Variants in CFAP54 observed in about 807,000 individuals in gnomAD.
The protein encoded by CFAP54 is cilia- and flagella-associated protein 54.
Under a neutral mutation model 370.4 loss-of-function variants are expected in CFAP54, and 290 were observed. The observed-to-expected ratio is 0.78, with a 90% CI of 0.71 to 0.86. CFAP54 has a LOEUF of 0.86. CFAP54 is among the 40% of genes least tolerant of loss of function. CFAP54 has a pLI of 0.00. For missense variants in CFAP54, 3,399 were observed against 3,528.7 expected, an observed-to-expected ratio of 0.96 and a Z score of 0.93; for synonymous variants, 1,206 against 1,236.5, an observed-to-expected ratio of 0.98 and a Z score of 0.52.
chr12:96,758,431 A>G (rs11108673), intron 58 of CFAP54, among the ~76,000 whole-genome samples: 8,800 of 152,226 alleles, frequency 0.058, 674 homozygotes, highest in East Asian at 0.43. Context: ...TTATAAAACC[A>G]TCAGATCTCC....
chr12:96,726,934 C>G (rs1329488119), intron 50 of CFAP54, among the ~76,000 whole-genome samples: 2 of 152,234 alleles, frequency 1.3e-5, no homozygotes, highest in African/African-American at 4.8e-5. Context: ...TCGTTATGTA[C>G]CCAGTAGTCA....
intron 22 of CFAP54, among the ~76,000 whole-genome samples, chr12:96,585,041 T>G: frequency 1.2e-4 from 1 of 8,296 alleles, no homozygotes; most frequent in Non-Finnish European, 3.5e-4. Context: ...CTCTCTCTCT[T>G]TTTTTTTTTT....
At chr12:96,705,720 G>A (rs1045962155) in intron 47 of CFAP54, among the ~76,000 whole-genome samples, 6 of 152,080 alleles carry the variant, frequency 3.9e-5, no homozygotes, top group East Asian at 3.8e-4. Flanking sequence ...AAACAGTACC[G>A]TTGGTCTGCT....
rs1200331214 is a variant in CFAP54, at chr12:96,527,272, G to A, written c.1185G>A (p.Glu395=). The change falls in exon 9 of 68, where the codon GAG becomes GAA. Residue 395 remains glutamate, a synonymous_variant. Coordinates refer to ENST00000524981, the MANE Select transcript of CFAP54 (RefSeq NM_001306084.2). ...TATCATGGCCACGAACTGTCACAGA[G>A]CGGCTACTGGATGAGATGTTTGATA... ...QTLSWPRTVT[E]RLLDEMFDST... is the part of the protein sequence containing the mutation. The A allele has an allele frequency of 2.0e-6, 3 of 1,527,780 alleles. No homozygotes were observed. Among genetic ancestry groups the A allele is most frequent in the African/African-American group, 2.8e-5 (2 of 72,510 alleles). 94.6% of individuals were successfully genotyped at this position (1,527,780 alleles called of 1,614,324 possible).
intron 66 of CFAP54, among the ~76,000 whole-genome samples, chr12:96,839,534 T>A (rs753038223): frequency 2.6e-5 from 4 of 152,218 alleles, no homozygotes; most frequent in Admixed American, 1.3e-4. Context: ...ACCACGCATC[T>A]TCCCATTCCC....
chr12:96,549,796 T>C (rs1322633726), intron 15 of CFAP54, among the ~76,000 whole-genome samples: 5 of 152,200 alleles, frequency 3.3e-5, no homozygotes, highest in Non-Finnish European at 5.9e-5. Context: ...TTTTCTCTTA[T>C]ATCTTACGTA....
chr12:96,561,324 C>T (rs1955813152), intron 17 of CFAP54, among the ~76,000 whole-genome samples: 1 of 152,180 alleles, frequency 6.6e-6, no homozygotes, highest in Non-Finnish European at 1.5e-5. Flanking sequence ...CTGCCTACTG[C>T]CATCCATGTG....
intron 37 of CFAP54, 25 bp from the exon 38 acceptor site, chr12:96,658,186 T>G: frequency 6.3e-7 from 1 of 1,591,192 alleles, no homozygotes; most frequent in Non-Finnish European, 8.5e-7. Flanking sequence ...GTTTTCTTTT[T>G]AATGTATTCT....
chr12:96,699,943 G>A (rs1957474295), intron 45 of CFAP54, 28 bp from the exon 46 acceptor site: 2 of 1,513,212 alleles, frequency 1.3e-6, no homozygotes, highest in Non-Finnish European at 9.0e-7. Flanking sequence ...GTTTAATTAA[G>A]TACCTCATTA....
At chr12:96,824,923 A>G (rs927586509) in intron 65 of CFAP54, among the ~76,000 whole-genome samples, 1 of 151,992 alleles carries the variant, frequency 6.6e-6, no homozygotes, top group African/African-American at 2.4e-5. Context: ...CTCTCTGGTG[A>G]GAACTCTCAC....
intron 50 of CFAP54, among the ~76,000 whole-genome samples, chr12:96,723,753 G>A (rs1957790131): frequency 6.7e-6 from 1 of 149,920 alleles, no homozygotes; most frequent in African/African-American, 2.5e-5. Flanking sequence ...ATGTATACAT[G>A]TGCCATGCTG....
intron 63 of CFAP54, 104 bp from the exon 64 acceptor site, chr12:96,811,631 AC>A: frequency 1.7e-6 from 1 of 600,582 alleles, no homozygotes; most frequent in Non-Finnish European, 2.7e-6. Flanking sequence ...CTAAACAAAT[AC>A]TTTTCAAAGT....
intron 66 of CFAP54, among the ~76,000 whole-genome samples, chr12:96,839,529 G>T (rs1041162168): frequency 3.9e-5 from 6 of 152,166 alleles, no homozygotes; most frequent in Non-Finnish European, 8.8e-5. Flanking sequence ...TTTCAACCAC[G>T]CATCTTCCCA....
At chr12:96,817,975 G>T in intron 65 of CFAP54, 62 bp downstream of exon 65, 1 of 1,181,108 alleles carries the variant, frequency 8.5e-7, no homozygotes, top group South Asian at 2.0e-5. Context: ...CCTCAAAGCA[G>T]AACTATGTAA....
chr12:96,498,572 G>A (rs1372586623), intron 1 of CFAP54, among the ~76,000 whole-genome samples: 2 of 152,194 alleles, frequency 1.3e-5, no homozygotes, highest in Admixed American at 6.5e-5. Context: ...AGAATCACTT[G>A]AATCCAGGAG....
rs1476749775 is a variant in CFAP54 at position 96,691,188 on chromosome 12, A to T, written c.6142A>T (p.Ile2048Phe). The part of the protein sequence containing the change: ...KAERCYAQYE[I>F]TQLLPGIELF... ...TGAACGTTGCTATGCTCAATATGAA[A>T]TCACTCAGCTTCTCCCAGGCATTGA... The change falls in exon 44 of 68, where the codon ATC becomes TTC. Residue 2048 changes from isoleucine (I) to phenylalanine (F), a missense_variant. By Grantham distance (21) the Ile-to-Phe change is conservative (BLOSUM62 0). Transcript: ENST00000524981. 3 of 1,613,692 alleles carry T rather than the reference A, an allele frequency of 1.9e-6. No individual in the cohort carries two copies. The East Asian group carries it at 6.7e-5, about 36-fold the overall frequency.
chr12:96,514,072 A>C (rs906472646), intron 5 of CFAP54, among the ~76,000 whole-genome samples: 1 of 152,178 alleles, frequency 6.6e-6, no homozygotes, highest in Non-Finnish European at 1.5e-5. Context: ...TCCCTGTATT[A>C]GTTTTCCAGT....
chr12:96,505,718 G>A (rs919447239), intron 3 of CFAP54, among the ~76,000 whole-genome samples: 1 of 152,010 alleles, frequency 6.6e-6, no homozygotes, highest in African/African-American at 2.4e-5. Flanking sequence ...GGCCAGGCTG[G>A]TCTCGAACTC....
intron 65 of CFAP54, among the ~76,000 whole-genome samples, chr12:96,822,205 C>T (rs138936268): frequency 4.6e-5 from 7 of 152,020 alleles, no homozygotes; most frequent in African/African-American, 1.7e-4. Context: ...TCACAGTTAA[C>T]GGGAGTGTTC....
Sources: gnomAD v4.1 joint callset for allele counts (sites outside exome capture counted in the v4.1 genomes callset) on GRCh38, gnomAD v4.1.1 for gene constraint, MANE v1.5 for transcripts, NCBI Gene and HGNC (gene_info 2026-07-23, HGNC 2026-07-21) for gene names.